Variants in PCDHA5 observed in about 807,000 individuals in gnomAD.
The protein encoded by PCDHA5 is protocadherin alpha 5.
In PCDHA5, 43 loss-of-function variants were observed where a neutral mutation model predicts 61.6. That is an observed-to-expected ratio of 0.70 (90% CI 0.55 to 0.90). The LOEUF (loss-of-function observed/expected upper bound fraction) is 0.90. Among genes scored for constraint, PCDHA5 ranks in the 40% least tolerant of loss-of-function variants. The pLI is 0.00. For missense variants in PCDHA5, 1,298 were observed against 1,222.7 expected, an observed-to-expected ratio of 1.06 and a Z score of -0.92; for synonymous variants, 627 against 543.9, an observed-to-expected ratio of 1.15 and a Z score of -2.13.
intron 1 of PCDHA5, among the ~76,000 whole-genome samples, chr5:140,940,750 G>A (rs1274521070): frequency 2.6e-5 from 4 of 152,136 alleles, no homozygotes; most frequent in Non-Finnish European, 5.9e-5. Context: ...TTTTATGTGT[G>A]CCAACTTTTA....
intron 1 of PCDHA5, among the ~76,000 whole-genome samples, chr5:140,904,512 C>T (rs1251570223): frequency 5.9e-5 from 9 of 151,738 alleles, no homozygotes; most frequent in Admixed American, 3.3e-4. Flanking sequence ...GTGAATTGTG[C>T]TGCTATAAAC....
chr5:140,925,782 A>T (rs567008166), intron 1 of PCDHA5, among the ~76,000 whole-genome samples: 10 of 152,174 alleles, frequency 6.6e-5, no homozygotes, highest in Admixed American at 4.6e-4. Context: ...AACTCTAATG[A>T]GTATCTCAGT....
chr5:140,842,396 G>A, intron 1 of PCDHA5: 2 of 1,611,442 alleles, frequency 1.2e-6, no homozygotes, highest in South Asian at 2.2e-5. Context: ...ATCCTTGCCT[G>A]TACGTGAAGA....
intron 1 of PCDHA5, chr5:140,828,846 T>C (rs1554131594): frequency 2.5e-6 from 4 of 1,614,040 alleles, no homozygotes. Context: ...GTAAGAATAT[T>C]CGAAAATGCA....
intron 1 of PCDHA5, among the ~76,000 whole-genome samples, chr5:140,845,274 T>C (rs1779779803): frequency 6.7e-6 from 1 of 149,592 alleles, no homozygotes; most frequent in South Asian, 2.1e-4. Flanking sequence ...TTTGTGAAAG[T>C]AATATTTCCT....
intron 1 of PCDHA5, among the ~76,000 whole-genome samples, chr5:140,837,527 T>C (rs925860882): frequency 1.3e-5 from 2 of 151,856 alleles, no homozygotes; most frequent in African/African-American, 2.4e-5. Flanking sequence ...TTTTTTTGTA[T>C]ATTCCCAAGA....
chr5:140,944,807 A>G (rs1472832230), intron 1 of PCDHA5, among the ~76,000 whole-genome samples: 1 of 152,214 alleles, frequency 6.6e-6, no homozygotes, highest in Non-Finnish European at 1.5e-5. Context: ...TCGAGGGTCC[A>G]CAGTGATCTT....
In PCDHA5 at chr5:140,897,362, T is replaced by C. The variant is rs1395353589; in HGVS notation, c.2352+73235T>C. Among the ~76,000 whole-genome samples the C allele has an allele frequency of 2.5e-5, 3 of 120,464 alleles. No homozygotes were observed. The East Asian group carries it at 7.6e-4, about 30-fold the overall frequency. 79.0% of individuals were successfully genotyped at this position (120,464 alleles called of 152,430 possible). ...CCCCACCCCACAACTGTCCCCAGAG[T>C]GTGATGTTCCCTTCCCCTTCCTGTG... On this transcript the variant is annotated intron_variant, in intron 1 of 3. Coordinates refer to ENST00000529859, the MANE Select transcript of PCDHA5 (RefSeq NM_018908.3).
intron 1 of PCDHA5, chr5:140,926,589 G>A: frequency 3.4e-6 from 1 of 292,780 alleles, no homozygotes; most frequent in Non-Finnish European, 6.2e-6. Context: ...TCTCGCGCCC[G>A]GGCGGGCGGC....
At chr5:141,006,276 A>T (rs2098265134) in intron 3 of PCDHA5, among the ~76,000 whole-genome samples, 1 of 151,894 alleles carries the variant, frequency 6.6e-6, no homozygotes, top group Admixed American at 6.6e-5. Context: ...CAGTGGCACG[A>T]TCTCAGCTCA....
chr5:140,902,197 C>T (rs868992860), intron 1 of PCDHA5, among the ~76,000 whole-genome samples: 1 of 143,684 alleles, frequency 7.0e-6, no homozygotes, highest in African/African-American at 2.6e-5. Context: ...CTCTCTCTCT[C>T]TCTTTCTTTT....
At chr5:140,853,910 T>G (rs2042903621) in intron 1 of PCDHA5, 1 of 948,962 alleles carries the variant, frequency 1.1e-6, no homozygotes, top group Non-Finnish European at 1.3e-6. Context: ...GCCTGACACC[T>G]GCAATCCCAA....
At chr5:140,837,021 T>C (rs1774876437) in intron 1 of PCDHA5, 2 of 263,032 alleles carry the variant, frequency 7.6e-6, no homozygotes, top group Non-Finnish European at 1.4e-5. Flanking sequence ...ACCTTTCTTC[T>C]ATAGTGTATT....
chr5:140,881,350 T>C, intron 1 of PCDHA5: 1 of 985,354 alleles, frequency 1.0e-6, no homozygotes, highest in Non-Finnish European at 1.2e-6. Flanking sequence ...CGGGCTACAA[T>C]GCGTGGCTTT....
chr5:140,924,895 AAAAAAAAAAATAAAATAAAAT>A (rs1361418672), intron 1 of PCDHA5, among the ~76,000 whole-genome samples: 1,915 of 132,218 alleles, frequency 0.014, 23 homozygotes, highest in Admixed American at 0.024. Context: ...AACCTGTCTC[AAAAAAAAAAATAAAATAAAAT>A]AAAATAAAAT....
chr5:140,830,243 T>A (rs1770923485), intron 1 of PCDHA5: 2 of 1,613,790 alleles, frequency 1.2e-6, no homozygotes, highest in Admixed American at 1.7e-5. Flanking sequence ...GCTACTGCTG[T>A]ACACAGCGCT....
chr5:140,890,319 A>C (rs2062592452), intron 1 of PCDHA5, among the ~76,000 whole-genome samples: 1 of 152,206 alleles, frequency 6.6e-6, no homozygotes, highest in Admixed American at 6.5e-5. Context: ...AGTTGTTTTA[A>C]GATATTAGGT....
At chr5:140,840,164 T>C (rs1554137707) in intron 1 of PCDHA5, among the ~76,000 whole-genome samples, 1 of 151,988 alleles carries the variant, frequency 6.6e-6, no homozygotes, top group African/African-American at 2.4e-5. Context: ...AGAGATGGGA[T>C]GTATACAAAT....
intron 1 of PCDHA5, chr5:140,927,861 C>T (rs782305822): frequency 1.2e-6 from 2 of 1,614,042 alleles, no homozygotes; most frequent in East Asian, 2.2e-5. Context: ...TAGCTAGCAC[C>T]GCTAAACTGC....
Sources: allele counts gnomAD v4.1 joint callset (sites outside exome capture counted in the v4.1 genomes callset), GRCh38; gene constraint gnomAD v4.1.1; transcripts MANE v1.5; gene names NCBI Gene and HGNC (gene_info 2026-07-23, HGNC 2026-07-21).